The following MORC2 variants were observed in gnomAD, a reference collection of about 807,000 sequenced individuals.
The protein encoded by MORC2 is ATPase MORC2.
In MORC2, 30 loss-of-function variants were observed where a neutral mutation model predicts 136.0. The observed-to-expected ratio is 0.22, with a 90% CI of 0.17 to 0.30. The LOEUF (loss-of-function observed/expected upper bound fraction) is 0.30. MORC2 is among the 10% of genes least tolerant of loss of function. The pLI is 1.00. For synonymous variants in MORC2, 439 were observed against 487.0 expected, an observed-to-expected ratio of 0.90 and a Z score of 1.30; for missense variants, 922 against 1,333.1, an observed-to-expected ratio of 0.69 and a Z score of 4.80.
chr22:30,946,237 C>G (rs188119078), intron 6 of MORC2, 104 bp downstream of exon 6: 850 of 810,292 alleles, frequency 1.0e-3, no homozygotes, highest in Non-Finnish European at 1.3e-3. Flanking sequence ...GTGCTCCAAT[C>G]CTGCAACCCC....
At position 30,934,207 on chromosome 22, in the gene MORC2, C is replaced by T. The variant is rs1569189880; in HGVS notation, c.2194-16G>A. On this transcript the variant is annotated splice_polypyrimidine_tract_variant and intron_variant, in intron 19 of 25. Coordinates refer to ENST00000397641, the MANE Select transcript of MORC2 (RefSeq NM_001303256.3). This position sits in a 1 kb window ranked among gnomAD's most constrained non-coding sequence, Gnocchi z 4.4. ...TAGGGGTAGCCTAGAGCAAGAGGAG[C>T]GTGAGGATGTGAGGGGCCCTGTTCA... The T allele has an allele frequency of 3.1e-6, 5 of 1,613,886 alleles. No homozygotes were observed. The highest frequency in any genetic ancestry group is 3.3e-5 in the Admixed American group (2 of 59,982).
rs1569188789 is a variant in MORC2 at position 30,932,872 on chromosome 22, CCT to C, written c.2522+15_2522+16del. On this transcript the variant is annotated intron_variant, in intron 22 of 25. Coordinates refer to ENST00000397641, the MANE Select transcript of MORC2 (RefSeq NM_001303256.3). This position sits in a 1 kb window ranked among gnomAD's most constrained non-coding sequence, Gnocchi z 4.4. ...CTCCTTCGAGGAACCACTGCTCCTC[CCT>C]GATTGGGGCATTACCAGCGGTCTCT... 4 of 1,614,010 alleles carry C rather than the reference CCT, an allele frequency of 2.5e-6. No homozygotes were observed. The African/African-American group carries it at 5.3e-5, about 22-fold the overall frequency.
chr22:30,949,866 A>G, intron 4 of MORC2, 24 bp from the exon 5 acceptor site: 1 of 1,611,190 alleles, frequency 6.2e-7, no homozygotes, highest in Non-Finnish European at 8.5e-7. Flanking sequence ...CACAAGAGAA[A>G]GTGAAAAGTT....
chr22:30,948,733 CACCCTTATAA>C (rs752729306), intron 5 of MORC2, among the ~76,000 whole-genome samples: 3 of 152,212 alleles, frequency 2.0e-5, no homozygotes, highest in Non-Finnish European at 4.4e-5. Context: ...AAAGTAACTT[CACCCTTATAA>C]ACCTCAATTT....
At chr22:30,951,742 G>A (rs1490377740) in intron 3 of MORC2, among the ~76,000 whole-genome samples, 1 of 152,024 alleles carries the variant, frequency 6.6e-6, no homozygotes, top group East Asian at 1.9e-4. Flanking sequence ...CTTTCTTCAG[G>A]CTAAAAATTC....
intron 1 of MORC2, 81 bp from the exon 2 acceptor site, chr22:30,958,775 T>G: frequency 7.5e-7 from 1 of 1,326,376 alleles, no homozygotes; most frequent in Non-Finnish European, 1.0e-6. Context: ...TATAAAATAT[T>G]TAAGTTTTTT....
rs769036771 is a variant in MORC2 at position 30,939,940 on chromosome 22, G to A, written c.987+19C>T. On this transcript the variant is annotated intron_variant, in intron 11 of 25. Coordinates refer to ENST00000397641, the MANE Select transcript of MORC2 (RefSeq NM_001303256.3). ...GTGCCAGAAACGCTGGAGAACAGCCGCCTGGGCCGGGACCTTACCCTGGAG... is the reference window on the plus strand; with the variant it reads ...GTGCCAGAAACGCTGGAGAACAGCCACCTGGGCCGGGACCTTACCCTGGAG... 1.7e-5 allele frequency: 27 copies of A among 1,610,714 alleles called. No homozygotes were observed. Among genetic ancestry groups the A allele is most frequent in the African/African-American group, 5.3e-5 (4 of 74,848 alleles).
At chr22:30,938,745 A>T (rs575444971) in intron 12 of MORC2, among the ~76,000 whole-genome samples, 1 of 152,060 alleles carries the variant, frequency 6.6e-6, no homozygotes, top group Non-Finnish European at 1.5e-5. Context: ...AATTTTTTGT[A>T]TTTTTAGTAG....
At chr22:30,950,337 G>GGGGGGGGCCCCC in intron 4 of MORC2, 40 bp downstream of exon 4, 1 of 761,768 alleles carries the variant, frequency 1.3e-6, no homozygotes, top group Non-Finnish European at 2.3e-6. Context: ...TGGTTACATC[G>GGGGGGGGCCCCC]CACCCCCCCA....
rs147842214 is a variant in MORC2, at chr22:30,935,097, G to T, written c.1877C>A (p.Pro626His). 1.9e-6 allele frequency: 3 copies of T among 1,613,890 alleles called. No homozygotes were observed. Among genetic ancestry groups the T allele is most frequent in the African/African-American group, 2.7e-5 (2 of 74,942 alleles). The change falls in exon 19 of 26, where the codon CCC becomes CAC. Residue 626 changes from proline to histidine, a missense_variant. Physicochemically the swap from Pro to His is moderately conservative, Grantham distance 77. Around this residue, in one of 9 missense-constraint regions of MORC2, gnomAD observed 184 missense variants for 180.3 expected, o/e 1.02. Transcript: ENST00000397641. ...AGTTGGCAAAGAAGGGGGTCTGCTG[G>T]GGGCGTTCCTGATCACAGCAGGTAA... ...PPLPAVIRNA[P>H]SRPPSLPTPR...
chr22:30,947,565 C>T (rs917894708), intron 5 of MORC2, among the ~76,000 whole-genome samples: 2 of 152,122 alleles, frequency 1.3e-5, no homozygotes, highest in Non-Finnish European at 2.9e-5. Context: ...GAATGTCATG[C>T]CCCATTTCCC....
In MORC2 at chr22:30,926,604, C is replaced by T. The variant is rs1335435671; in HGVS notation, c.*199G>A. 1.6e-5 allele frequency: 3 copies of T among 189,332 alleles called. No individual in the cohort carries two copies. Among genetic ancestry groups the T allele is most frequent in the Non-Finnish European group, 2.9e-5 (3 of 102,452 alleles). The allele number at this position is 189,332 out of a possible 1,614,324, so 11.7% of individuals were successfully genotyped here. A position where few individuals can be genotyped will look rare whatever the true frequency, so the allele number is the denominator to read the frequency against. ...AAAAAAAAGTATGGTCTCACAGGCA[C>T]AGCATCTTCTTTTAAAAAATAAATA... On this transcript the variant is annotated 3_prime_UTR_variant, in exon 26 of 26. Transcript: ENST00000397641.
chr22:30,935,774 A>G (rs1191484238), intron 17 of MORC2, among the ~76,000 whole-genome samples: 1 of 152,256 alleles, frequency 6.6e-6, no homozygotes, highest in African/African-American at 2.4e-5. Context: ...TCACAGACAT[A>G]TCTAGAAAAA....
At position 30,932,607 on chromosome 22, in the gene MORC2, C is replaced by G. The variant is rs371685129; in HGVS notation, c.2685G>C (p.Glu895Asp). ...EPSTSECLRI[E>D]PDTTALSTNH... is the part of the protein sequence containing the mutation. ...TGGTGCTCAGGGCAGTGGTGTCAGG[C>G]TCAATGCGGAGGCATTCGGAAGTGG... The change falls in exon 23 of 26, where the codon GAG becomes GAC. Residue 895 changes from glutamate (E) to aspartate (D), a missense_variant. Physicochemically the swap from Glu to Asp is conservative, Grantham distance 45 (BLOSUM62 2). Transcript: ENST00000397641. This position sits in a 1 kb window ranked among gnomAD's most constrained non-coding sequence, Gnocchi z 4.4. 1 of 1,614,032 alleles carries G rather than the reference C, an allele frequency of 6.2e-7. No individual in the cohort carries two copies. The highest frequency in any genetic ancestry group is 1.3e-5 in the African/African-American group (1 of 74,906).
intron 1 of MORC2, chr22:30,963,246 G>A (rs1569205488): frequency 3.3e-6 from 3 of 915,496 alleles, no homozygotes; most frequent in South Asian, 1.0e-4. Context: ...AAAGTGCTGG[G>A]ATTACAGGCG....
At position 30,934,874 on chromosome 22, in the gene MORC2, C is replaced by T. The variant is rs1262511261; in HGVS notation, c.2100G>A (p.Leu700=). 1 of 1,614,098 alleles carries T rather than the reference C, an allele frequency of 6.2e-7. No individual in the cohort carries two copies. Among genetic ancestry groups the T allele is most frequent in the Non-Finnish European group, 8.5e-7 (1 of 1,180,028 alleles). The change falls in exon 19 of 26, where the codon CTG becomes CTA. Residue 700 remains leucine, a synonymous_variant. Transcript: ENST00000397641. This position sits in a 1 kb window ranked among gnomAD's most constrained non-coding sequence, Gnocchi z 4.4. ...CCTCCCGAGGGCTCTTGGAGTTGGG[C>T]AGTAAAGATGGTGACAGTTGCTGCA... ...PLVQQLSPSL[L]PNSKSPREVP...
chr22:30,932,573 T>C lies in MORC2; in HGVS notation c.2719A>G (p.Thr907Ala). 1 of 1,613,966 alleles carries C rather than the reference T, an allele frequency of 6.2e-7. No homozygotes were observed. Among genetic ancestry groups the C allele is most frequent in the Non-Finnish European group, 8.5e-7 (1 of 1,179,998 alleles). The part of the protein sequence containing the change: ...DTTALSTNHE[T>A]IDLLVQILRN... Reference sequence around the variant, plus strand: ...AGGATCTGGACAAGCAGGTCGATGGTCTCGTGATTGGTGCTCAGGGCAGTG... The same window carrying C: ...AGGATCTGGACAAGCAGGTCGATGGCCTCGTGATTGGTGCTCAGGGCAGTG... The change falls in exon 23 of 26, where the codon ACC becomes GCC. Residue 907 changes from threonine (T) to alanine (A), a missense_variant. Transcript: ENST00000397641. This position sits in a 1 kb window ranked among gnomAD's most constrained non-coding sequence, Gnocchi z 4.4.
Position 30,967,821 on chromosome 22 carries a change from C to T in MORC2, c.68+1G>A. ...CTCAGTGGCACCTAGAGGATACTTA[C>T]GAATTTGTGTGCAGATATTCAAAGG... On this transcript the variant is annotated splice_donor_variant, in intron 1 of 25. Coordinates refer to ENST00000397641, the MANE Select transcript of MORC2 (RefSeq NM_001303256.3). LOFTEE classifies it high-confidence loss of function. 1 of 1,551,036 alleles carries T rather than the reference C, an allele frequency of 6.4e-7. No individual in the cohort carries two copies. Among genetic ancestry groups the T allele is most frequent in the South Asian group, 1.2e-5 (1 of 84,052 alleles).
At chr22:30,959,210 A>G (rs573425570) in intron 1 of MORC2, among the ~76,000 whole-genome samples, 2 of 152,360 alleles carry the variant, frequency 1.3e-5, no homozygotes, top group African/African-American at 4.8e-5. Context: ...TATTTACTCA[A>G]TCCAAACTTT....
Sources: allele counts gnomAD v4.1 joint callset (sites outside exome capture counted in the v4.1 genomes callset), GRCh38; gene constraint gnomAD v4.1.1; regional missense constraint gnomAD v4.1.1; non-coding constraint Gnocchi (gnomAD v3.1); transcripts MANE v1.5; gene names NCBI Gene and HGNC (gene_info 2026-07-23, HGNC 2026-07-21).